Variants in EIF2B3 observed in about 807,000 individuals in gnomAD.
The protein encoded by EIF2B3 is eukaryotic translation initiation factor 2B subunit gamma, also known as translation initiation factor eIF2B subunit gamma.
EIF2B3 carries 20 observed loss-of-function variants against 54.1 expected under a neutral mutation model. That is an observed-to-expected ratio of 0.37 (90% CI 0.26 to 0.54). The LOEUF (loss-of-function observed/expected upper bound fraction) is 0.54, where lower values mean the gene tolerates loss of function less well. Among genes scored for constraint, EIF2B3 ranks in the 20% least tolerant of loss-of-function variants. The probability of loss-of-function intolerance (pLI) is 0.86; values close to 1 mark genes in which losing one functional copy is unlikely to be tolerated. For missense variants in EIF2B3, 448 were observed against 547.8 expected (o/e 0.82, Z 1.82); for synonymous variants, 153 against 188.1 (o/e 0.81, Z 1.52).
At chr1:44,968,650 G>A (rs1046221084) in intron 3 of EIF2B3, among the ~76,000 whole-genome samples, 4 of 152,144 alleles carry the variant, frequency 2.6e-5, no homozygotes, top group African/African-American at 7.2e-5. Context: ...TGTAATCCCA[G>A]CACTTTGGGA....
chr1:44,915,197 G>A (rs1234643949), intron 5 of EIF2B3, among the ~76,000 whole-genome samples: 10 of 151,172 alleles, frequency 6.6e-5, no homozygotes, highest in African/African-American at 2.2e-4. Context: ...CTACTTGGGA[G>A]GCTGAGGCAG....
chr1:44,878,257 C>T (rs1026348630), intron 8 of EIF2B3, among the ~76,000 whole-genome samples: 1 of 152,074 alleles, frequency 6.6e-6, no homozygotes, highest in Non-Finnish European at 1.5e-5. Context: ...AGGAGTCAAT[C>T]CCAATTTTCT....
chr1:44,950,636 T>C (rs1253072620), intron 3 of EIF2B3, among the ~76,000 whole-genome samples: 2 of 152,136 alleles, frequency 1.3e-5, no homozygotes, highest in Admixed American at 6.5e-5. Context: ...TAAATGATAT[T>C]GAATTATTTA....
chr1:44,911,673 TGA>T (rs958408906), intron 5 of EIF2B3, among the ~76,000 whole-genome samples: 7 of 152,198 alleles, frequency 4.6e-5, no homozygotes, highest in Admixed American at 2.0e-4. Flanking sequence ...GAGAAACGTA[TGA>T]GTCTTGCTTT....
At chr1:44,876,926 T>G (rs1655181073) in intron 8 of EIF2B3, among the ~76,000 whole-genome samples, 1 of 142,030 alleles carries the variant, frequency 7.0e-6, no homozygotes, top group African/African-American at 2.8e-5. Context: ...AAACATGTGC[T>G]GTGTCCACTC....
chr1:44,912,640 C>A (rs1643538431), intron 5 of EIF2B3, among the ~76,000 whole-genome samples: 2 of 152,196 alleles, frequency 1.3e-5, no homozygotes, highest in South Asian at 4.1e-4. Flanking sequence ...CGGACCAAAT[C>A]AATCCTTCAA....
chr1:44,924,608 G>A (rs529232688), intron 5 of EIF2B3, among the ~76,000 whole-genome samples: 4 of 151,680 alleles, frequency 2.6e-5, no homozygotes, highest in African/African-American at 4.8e-5. Flanking sequence ...GGATAGTCTC[G>A]ATCTCCCGAC....
chr1:44,903,090 C>T (rs1350316671), intron 5 of EIF2B3, among the ~76,000 whole-genome samples: 6 of 152,080 alleles, frequency 3.9e-5, no homozygotes, highest in Admixed American at 3.9e-4. Context: ...ATACTTTGAA[C>T]TTTTCTGAGA....
chr1:44,884,238 CTG>C (rs1168685148), intron 6 of EIF2B3, among the ~76,000 whole-genome samples: 2 of 152,152 alleles, frequency 1.3e-5, no homozygotes, highest in Non-Finnish European at 2.9e-5. Flanking sequence ...AATAAGGAAA[CTG>C]AAGAAAGGGA....
intron 4 of EIF2B3, among the ~76,000 whole-genome samples, chr1:44,937,638 C>G (rs2148938856): frequency 6.6e-6 from 1 of 151,770 alleles, no homozygotes. Context: ...AATCCCAGCA[C>G]TTTGGGAGGC....
rs768263508 is a variant in EIF2B3 at position 44,877,192 on chromosome 1, TAA to T, written c.976-1499_976-1498del. On this transcript the variant is annotated intron_variant, in intron 8 of 11. Transcript: ENST00000360403. ...GCGAGAAACACCCAAGAATGATCAA[TAA>T]AAAAAAAAAAAAAAAAAAAAAAAAA... is the stretch of plus-strand genomic sequence containing the variant. Among the ~76,000 whole-genome samples, 119 of 52,050 alleles carry T rather than the reference TAA, an allele frequency of 2.3e-3. 1 individual carries two copies. The highest frequency in any genetic ancestry group is 9.7e-3 in the African/African-American group (108 of 11,188). The allele number at this position is 52,050 out of a possible 152,430, so 34.1% of individuals were successfully genotyped here.
chr1:44,958,603 G>C, intron 3 of EIF2B3: 1 of 1,472,210 alleles, frequency 6.8e-7, no homozygotes, highest in Non-Finnish European at 9.4e-7. Flanking sequence ...CAAAAGTGTG[G>C]CATCAAACTC....
intron 6 of EIF2B3, among the ~76,000 whole-genome samples, chr1:44,895,401 G>GC (rs1229012276): frequency 3.3e-5 from 5 of 152,002 alleles, no homozygotes; most frequent in African/African-American, 1.2e-4. Flanking sequence ...CTGTAAAACT[G>GC]CCTGCATATA....
At chr1:44,962,620 G>A (rs1440325741) in intron 3 of EIF2B3, among the ~76,000 whole-genome samples, 1 of 152,048 alleles carries the variant, frequency 6.6e-6, no homozygotes, top group Non-Finnish European at 1.5e-5. Flanking sequence ...TCACCATCTT[G>A]CCCAGGTTGG....
chr1:44,917,894 A>T (rs1186703488), intron 5 of EIF2B3, among the ~76,000 whole-genome samples: 3 of 143,748 alleles, frequency 2.1e-5, no homozygotes, highest in East Asian at 4.2e-4. Flanking sequence ...CTGCCTCAGC[A>T]TCCTGAGTAG....
intron 6 of EIF2B3, among the ~76,000 whole-genome samples, chr1:44,891,320 C>A (rs916036583): frequency 6.6e-6 from 1 of 152,086 alleles, no homozygotes; most frequent in South Asian, 2.1e-4. Flanking sequence ...CCAGGCTGGT[C>A]GTGAACTCCT....
At chr1:44,874,935 C>A in intron 9 of EIF2B3, 109 bp from the exon 10 acceptor site, 1 of 1,342,584 alleles carries the variant, frequency 7.4e-7, no homozygotes, top group South Asian at 1.2e-5. Context: ...AGAGACACTT[C>A]AGCAAGAGGG....
intron 3 of EIF2B3, among the ~76,000 whole-genome samples, chr1:44,966,454 AAAG>A (rs1279055680): frequency 7.5e-4 from 113 of 150,784 alleles, no homozygotes; most frequent in Middle Eastern, 3.4e-3. Context: ...AAAAAAAAAA[AAAG>A]AAGAAGAAGA....
In EIF2B3 at chr1:44,881,812, T is replaced by C. The variant is rs1198928403; in HGVS notation, c.657-73A>G. Reference sequence around the variant, plus strand: ...ATACCCGGATCAAAAGCTCTGTGCATACAAGGAAAAGCCAAATCCTTTCCT... The same window carrying C: ...ATACCCGGATCAAAAGCTCTGTGCACACAAGGAAAAGCCAAATCCTTTCCT... On this transcript the variant is annotated intron_variant, in intron 6 of 11. Coordinates refer to ENST00000360403, the MANE Select transcript of EIF2B3 (RefSeq NM_020365.5). This position sits in a 1 kb window ranked among gnomAD's most constrained non-coding sequence, Gnocchi z 4.0. 1 of 1,593,538 alleles carries C rather than the reference T, an allele frequency of 6.3e-7. No individual in the cohort carries two copies. Among genetic ancestry groups the C allele is most frequent in the Non-Finnish European group, 8.6e-7 (1 of 1,167,416 alleles).
Sources: gnomAD v4.1 joint callset for allele counts (sites outside exome capture counted in the v4.1 genomes callset) on GRCh38, gnomAD v4.1.1 for gene constraint, Gnocchi (gnomAD v3.1) non-coding constraint, MANE v1.5 for transcripts, NCBI Gene and HGNC (gene_info 2026-07-23, HGNC 2026-07-21) for gene names.